The following RBFOX1 variants were observed in gnomAD, a reference collection of about 807,000 sequenced individuals.
The protein encoded by RBFOX1 is RNA binding fox-1 homolog 1, also known as RNA binding protein fox-1 homolog 1.
RBFOX1 carries 8 observed loss-of-function variants against 57.7 expected under a neutral mutation model. The ratio of observed to expected loss-of-function variants is 0.14; its 90% CI spans 0.08 to 0.25. The LOEUF (loss-of-function observed/expected upper bound fraction) is 0.25, where lower values mean the gene tolerates loss of function less well. Among genes scored for constraint, RBFOX1 ranks in the 10% least tolerant of loss-of-function variants. RBFOX1 has a pLI of 1.00. For missense variants in RBFOX1, 611 were observed against 548.5 expected (o/e 1.11, Z -1.14); for synonymous variants, 326 against 222.4 (o/e 1.47, Z -4.15).
chr16:5,308,157 T>C (rs1303206346), intron 1 of RBFOX1, among the ~76,000 whole-genome samples: 2 of 151,980 alleles, frequency 1.3e-5, no homozygotes, highest in East Asian at 3.9e-4. Context: ...CTAGCCAGCA[T>C]AGTGAAGCCC....
At chr16:5,298,185 G>C (rs1174823222) in intron 1 of RBFOX1, among the ~76,000 whole-genome samples, 1 of 152,162 alleles carries the variant, frequency 6.6e-6, no homozygotes, top group Non-Finnish European at 1.5e-5. Flanking sequence ...AAATTTGGAA[G>C]TTTGGATTTT....
chr16:7,194,267 C>T (rs1467160668), intron 4 of RBFOX1, among the ~76,000 whole-genome samples: 1 of 152,192 alleles, frequency 6.6e-6, no homozygotes, highest in South Asian at 2.1e-4. Context: ...TGTGATTGCA[C>T]TGTATTTATT....
intron 4 of RBFOX1, among the ~76,000 whole-genome samples, chr16:7,200,000 C>T (rs576394596): frequency 2.0e-5 from 3 of 152,300 alleles, no homozygotes; most frequent in East Asian, 1.9e-4. Flanking sequence ...TGAATGTGCT[C>T]AGAATGTGGA....
chr16:6,962,857 C>T (rs937218582), intron 3 of RBFOX1, among the ~76,000 whole-genome samples: 124 of 151,452 alleles, frequency 8.2e-4, no homozygotes, highest in Non-Finnish European at 1.7e-3. Flanking sequence ...AGAATGAGAC[C>T]CTGTCTCATG....
intron 3 of RBFOX1, among the ~76,000 whole-genome samples, chr16:5,842,564 T>G (rs2056652459): frequency 6.6e-6 from 1 of 152,206 alleles, no homozygotes; most frequent in Non-Finnish European, 1.5e-5. Flanking sequence ...ATTTTTAAAC[T>G]TATTAAACAT....
intron 4 of RBFOX1, among the ~76,000 whole-genome samples, chr16:7,359,070 T>A (rs2097270574): frequency 6.6e-6 from 1 of 152,236 alleles, no homozygotes. Flanking sequence ...AATTGTCAGC[T>A]ACAGCATAGC....
intron 4 of RBFOX1, among the ~76,000 whole-genome samples, chr16:7,146,077 G>T (rs867301364): frequency 8.5e-5 from 13 of 152,122 alleles, no homozygotes; most frequent in African/African-American, 2.9e-4. Flanking sequence ...TTCCAAATGG[G>T]GGCAAGAATG....
At chr16:7,046,252 G>C (rs1197697322) in intron 3 of RBFOX1, among the ~76,000 whole-genome samples, 1 of 151,504 alleles carries the variant, frequency 6.6e-6, no homozygotes, top group Non-Finnish European at 1.5e-5. Flanking sequence ...GTGTGTGTGT[G>C]TGTGTGTGTG....
chr16:7,562,557 A>G (rs1473179116), intron 5 of RBFOX1, among the ~76,000 whole-genome samples: 2 of 152,188 alleles, frequency 1.3e-5, no homozygotes. Context: ...TGTGGACTCC[A>G]CAGCCCCACC....
intron 14 of RBFOX1, among the ~76,000 whole-genome samples, chr16:7,687,640 T>C (rs1427868358): frequency 6.6e-6 from 1 of 152,096 alleles, no homozygotes; most frequent in African/African-American, 2.4e-5. Context: ...AAACTGATTA[T>C]TGTGACTTTC....
At chr16:5,712,976 T>C (rs948239789) in intron 3 of RBFOX1, among the ~76,000 whole-genome samples, 2 of 71,500 alleles carry the variant, frequency 2.8e-5, no homozygotes, top group African/African-American at 7.4e-5. Flanking sequence ...GAGGACATCC[T>C]TGTAGTAGTA....
At chr16:6,294,271 A>G (rs1219566359) in intron 1 of RBFOX1, among the ~76,000 whole-genome samples, 1 of 152,190 alleles carries the variant, frequency 6.6e-6, no homozygotes, top group African/African-American at 2.4e-5. Context: ...GCCTGGGGAG[A>G]GCACAGACTC....
At chr16:5,473,076 G>GGAC (rs1171562632) in intron 2 of RBFOX1, among the ~76,000 whole-genome samples, 2 of 152,226 alleles carry the variant, frequency 1.3e-5, no homozygotes, top group Admixed American at 1.3e-4. Flanking sequence ...CTCCCGAGGA[G>GGAC]ACTTTGATGA....
chr16:6,949,665 A>G (rs1262371341), intron 3 of RBFOX1, among the ~76,000 whole-genome samples: 1 of 152,016 alleles, frequency 6.6e-6, no homozygotes, highest in Non-Finnish European at 1.5e-5. Context: ...CCCCAACCTT[A>G]TGACCTCCTT....
chr16:6,505,964 A>G (rs934456903), intron 2 of RBFOX1, among the ~76,000 whole-genome samples: 1 of 152,164 alleles, frequency 6.6e-6, no homozygotes, highest in African/African-American at 2.4e-5. Flanking sequence ...CATGGGTGGA[A>G]GAGGAAATCA....
intron 1 of RBFOX1, among the ~76,000 whole-genome samples, chr16:5,409,038 C>T (rs2066940515): frequency 6.6e-6 from 1 of 152,140 alleles, no homozygotes; most frequent in African/African-American, 2.4e-5. Context: ...GTGGCTATCT[C>T]ACGCTGTTGG....
rs1480124958 is a variant in RBFOX1 at position 5,855,969 on chromosome 16, T to C, written c.319-11334T>C. Among the ~76,000 whole-genome samples the C allele has an allele frequency of 7.0e-5, 10 of 143,596 alleles. No individual in the cohort carries two copies. The East Asian group carries it at 1.8e-3, about 26-fold the overall frequency. 94.2% of individuals were successfully genotyped at this position (143,596 alleles called of 152,430 possible). On this transcript the variant is annotated intron_variant, in intron 3 of 19. Transcript: ENST00000641259. ...CTTTGGTTAAGTTTATTCCTATGTA[T>C]GTTATTCTTTTTTTTTTTTTTTTTT...
chr16:6,228,560 C>G (rs539575095), intron 1 of RBFOX1, among the ~76,000 whole-genome samples: 1 of 152,198 alleles, frequency 6.6e-6, no homozygotes, highest in East Asian at 1.9e-4. Flanking sequence ...CTAAGCCAGA[C>G]ATAGAAAGAC....
chr16:5,800,913 C>CA (rs2055035683), intron 3 of RBFOX1, among the ~76,000 whole-genome samples: 1 of 152,130 alleles, frequency 6.6e-6, no homozygotes, highest in Non-Finnish European at 1.5e-5. Flanking sequence ...TTCCCTGCCA[C>CA]ATGAGGACAG....
Sources: gnomAD v4.1 joint callset for allele counts (sites outside exome capture counted in the v4.1 genomes callset) on GRCh38, gnomAD v4.1.1 for gene constraint, MANE v1.5 for transcripts, NCBI Gene and HGNC (gene_info 2026-07-23, HGNC 2026-07-21) for gene names.